Variants in SYT7 observed in about 807,000 individuals in gnomAD.
The protein encoded by SYT7 is synaptotagmin-7.
A neutral mutation model predicts 75.1 loss-of-function variants in SYT7; 29 were observed. The ratio of observed to expected loss-of-function variants is 0.39; its 90% CI spans 0.29 to 0.53. The LOEUF is 0.53. Among genes scored for constraint, SYT7 ranks in the 20% least tolerant of loss-of-function variants. SYT7 has a pLI of 0.77. For synonymous variants in SYT7, 376 were observed against 401.7 expected, an observed-to-expected ratio of 0.94 and a Z score of 0.76; for missense variants, 693 against 953.2, an observed-to-expected ratio of 0.73 and a Z score of 3.59.
In SYT7 at chr11:61,576,215, A is replaced by G. The variant is rs1417502536; in HGVS notation, c.31+4575T>C. Among the ~76,000 whole-genome samples the G allele has an allele frequency of 2.0e-5, 3 of 152,208 alleles. No homozygotes were observed. Among genetic ancestry groups the G allele is most frequent in the Non-Finnish European group, 4.4e-5 (3 of 68,030 alleles). Reference sequence around the variant, plus strand: ...GCCCTGCCCTGCAGACACTAGTTGGACAGGGCCCAGCAGGGCTGCCCCTGC... The same window carrying G: ...GCCCTGCCCTGCAGACACTAGTTGGGCAGGGCCCAGCAGGGCTGCCCCTGC... On this transcript the variant is annotated intron_variant, in intron 1 of 12. Transcript: ENST00000539008. The surrounding 1 kb of genome is among the most constrained non-coding windows in gnomAD (Gnocchi z 4.1).
chr11:61,530,706 T>C (rs1253268523), intron 8 of SYT7: 29 of 802,268 alleles, frequency 3.6e-5, no homozygotes, highest in Non-Finnish European at 4.1e-5. Flanking sequence ...CTCTGGTCCC[T>C]TGGCTCCTGG....
chr11:61,517,571 T>G lies in SYT7; in HGVS notation c.*1056A>C, dbSNP rs2062179705. 5 of 398,294 alleles carry G rather than the reference T, an allele frequency of 1.3e-5. No individual in the cohort carries two copies. The highest frequency in any genetic ancestry group is 2.2e-5 in the Non-Finnish European group (5 of 226,380). The allele number at this position is 398,294 out of a possible 1,614,324, so 24.7% of individuals were successfully genotyped here. A position where few individuals can be genotyped will look rare whatever the true frequency, so the allele number is the denominator to read the frequency against. ...GGAGGTCTGCACAGGCAGGGAGAGATGAGGAAGGGCAGGCAAGCTGGAAAG... is the reference window on the plus strand; with the variant it reads ...GGAGGTCTGCACAGGCAGGGAGAGAGGAGGAAGGGCAGGCAAGCTGGAAAG... On this transcript the variant is annotated 3_prime_UTR_variant, in exon 13 of 13. Coordinates refer to ENST00000539008, the MANE Select transcript of SYT7 (RefSeq NM_001365809.2).
At position 61,533,238 on chromosome 11, in the gene SYT7, C is replaced by G. The variant is rs777105965; in HGVS notation, c.1065-114G>C. ...AGACCCCAGCAGCTGCCATGCCCGGCGGGCCGGCAGGAGCGGTACTCCAGT... is the reference window on the plus strand; with the variant it reads ...AGACCCCAGCAGCTGCCATGCCCGGGGGGCCGGCAGGAGCGGTACTCCAGT... On this transcript the variant is annotated intron_variant, in intron 7 of 12. Coordinates refer to ENST00000539008, the MANE Select transcript of SYT7 (RefSeq NM_001365809.2). 5 of 1,459,904 alleles carry G rather than the reference C, an allele frequency of 3.4e-6. No individual in the cohort carries two copies. The Admixed American group carries it at 1.3e-4, about 37-fold the overall frequency. The allele number at this position is 1,459,904 out of a possible 1,614,324, so 90.4% of individuals were successfully genotyped here.
intron 7 of SYT7, among the ~76,000 whole-genome samples, chr11:61,536,354 GT>G (rs1198704278): frequency 6.6e-6 from 1 of 152,202 alleles, no homozygotes; most frequent in Non-Finnish European, 1.5e-5. Flanking sequence ...CATGGGTGAT[GT>G]GAAATCTCGT....
rs761877944 is a variant in SYT7 at position 61,524,486 on chromosome 11, G to T, written c.1518C>A (p.Val506=). 1 of 1,611,314 alleles carries T rather than the reference G, an allele frequency of 6.2e-7. No individual in the cohort carries two copies. The highest frequency in any genetic ancestry group is 8.5e-7 in the Non-Finnish European group (1 of 1,178,438). The change falls in exon 10 of 13, where the codon GTC becomes GTA. Residue 506 remains valine (V), a synonymous_variant. Coordinates refer to ENST00000539008, the MANE Select transcript of SYT7 (RefSeq NM_001365809.2). This position sits in a 1 kb window ranked among gnomAD's most constrained non-coding sequence, Gnocchi z 4.1. ...TGCGGCTGAAGCGGTCATAGTCCAG[G>T]ACTTGGAGGTAGAGGATCCTCTGCA... ...KVVQRILYLQ[V]LDYDRFSRND...
At position 61,550,947 on chromosome 11, in the gene SYT7, T is replaced by C. The variant is rs1459712020; in HGVS notation, c.215+437A>G. 4.6e-5 allele frequency among the ~76,000 whole-genome samples: 7 copies of C among 152,062 alleles called. No homozygotes were observed. The East Asian group carries it at 1.2e-3, about 25-fold the overall frequency. ...TGTCTGCCTCCCCACTTCCAGGTCA[T>C]CCTCAAACACTGGCAGGATCTGAGA... On this transcript the variant is annotated intron_variant, in intron 3 of 12. Coordinates refer to ENST00000539008, the MANE Select transcript of SYT7 (RefSeq NM_001365809.2).
intron 2 of SYT7, among the ~76,000 whole-genome samples, chr11:61,554,400 G>A (rs1305787170): frequency 1.3e-5 from 2 of 152,072 alleles, no homozygotes; most frequent in Non-Finnish European, 2.9e-5. Context: ...ATGAGTTGAT[G>A]CACATCCCAC....
At chr11:61,522,497 T>C (rs2062373842) in intron 12 of SYT7, among the ~76,000 whole-genome samples, 2 of 152,104 alleles carry the variant, frequency 1.3e-5, no homozygotes, top group Admixed American at 1.3e-4. Context: ...GCCAACTTTC[T>C]ACAAGAAGAA....
intron 3 of SYT7, among the ~76,000 whole-genome samples, chr11:61,550,904 G>C (rs1209431416): frequency 6.6e-6 from 1 of 152,200 alleles, no homozygotes; most frequent in Non-Finnish European, 1.5e-5. Flanking sequence ...TGCTCCCCGA[G>C]TGGCCCAGAC....
In SYT7 at chr11:61,524,556, T is replaced by A. The variant is rs2062452358; in HGVS notation, c.1472-24A>T. 1 of 1,550,666 alleles carries A rather than the reference T, an allele frequency of 6.4e-7. No homozygotes were observed. The highest frequency in any genetic ancestry group is 1.2e-5 in the South Asian group (1 of 80,484). On this transcript the variant is annotated intron_variant, in intron 9 of 12. Transcript: ENST00000539008. This position sits in a 1 kb window ranked among gnomAD's most constrained non-coding sequence, Gnocchi z 4.1. ...ACCTGGGGGTATAGATGAGTGTGAG[T>A]GAAGAGGGGGACAGAGGGGCTGCAC...
chr11:61,527,149 G>GAAAGGACATTT (rs1214149330), intron 9 of SYT7, among the ~76,000 whole-genome samples: 1 of 152,152 alleles, frequency 6.6e-6, no homozygotes, highest in Non-Finnish European at 1.5e-5. Flanking sequence ...GCAGGAGAGA[G>GAAAGGACATTT]AAAGGACATT....
At chr11:61,534,488 T>C (rs2062811740) in intron 7 of SYT7, among the ~76,000 whole-genome samples, 1 of 149,710 alleles carries the variant, frequency 6.7e-6, no homozygotes, top group South Asian at 2.1e-4. Flanking sequence ...CACATGCACA[T>C]GAGCCCCACA....
intron 8 of SYT7, among the ~76,000 whole-genome samples, chr11:61,530,418 T>C (rs932897530): frequency 1.3e-5 from 2 of 152,196 alleles, no homozygotes; most frequent in Non-Finnish European, 2.9e-5. Context: ...CGACGCTCTT[T>C]TCCCTGCTCA....
Position 61,524,412 on chromosome 11 carries a change from G to C in SYT7, c.1592C>G (p.Thr531Ser). 5 of 1,614,098 alleles carry C rather than the reference G, an allele frequency of 3.1e-6. No homozygotes were observed. The highest frequency in any genetic ancestry group is 4.2e-6 in the Non-Finnish European group (5 of 1,179,972). ...ATCCTTCCAGAAGGTCTGCATCTGG[G>C]TCAGGTCCACCTTGTTAAGGGGGAT... ...VSIPLNKVDL[T>S]QMQTFWKDLK... Residue 531 changes from threonine (T) to serine (S), a missense_variant, in exon 10 of 13, where the codon ACC becomes AGC. This residue lies in a region of SYT7 where 206 missense variants were observed against 360.0 expected (regional missense o/e 0.57). Transcript: ENST00000539008. This position sits in a 1 kb window ranked among gnomAD's most constrained non-coding sequence, Gnocchi z 4.1.
At chr11:61,535,346 G>A (rs556197580) in intron 7 of SYT7, among the ~76,000 whole-genome samples, 92 of 152,352 alleles carry the variant, frequency 6.0e-4, no homozygotes, top group African/African-American at 2.2e-3. Context: ...CTTCAGAGTA[G>A]GGAGAGCAAT....
At chr11:61,582,442 C>A (rs2064299757), upstream of SYT7, among the ~76,000 whole-genome samples, 1 of 151,986 alleles carries the variant, frequency 6.6e-6, no homozygotes, top group Non-Finnish European at 1.5e-5. Flanking sequence ...TATCTCAAGT[C>A]TCCCCGACAC....
At chr11:61,532,272 G>A (rs1371301898) in intron 8 of SYT7, among the ~76,000 whole-genome samples, 2 of 152,206 alleles carry the variant, frequency 1.3e-5, no homozygotes, top group African/African-American at 4.8e-5. Flanking sequence ...CTAATCCCCA[G>A]TTTTCTCCCT....
chr11:61,517,399 G>A lies in SYT7; in HGVS notation c.*1228C>T, dbSNP rs1318561972. 2 of 398,674 alleles carry A rather than the reference G, an allele frequency of 5.0e-6. No homozygotes were observed. Among genetic ancestry groups the A allele is most frequent in the Non-Finnish European group, 8.8e-6 (2 of 226,206 alleles). 24.7% of individuals were successfully genotyped at this position (398,674 alleles called of 1,614,324 possible). On this transcript the variant is annotated 3_prime_UTR_variant, in exon 13 of 13. Transcript: ENST00000539008. The stretch of plus-strand genomic sequence containing the variant: ...GTGAGTGAGTCGGGCAGAAGGAGCT[G>A]CTCCCGGGGACCAGGGAGTGGGGAA...
Position 61,523,229 on chromosome 11 carries a change from T to C in SYT7, c.1802A>G (p.Glu601Gly), listed in dbSNP as rs1590822415. 7 of 1,614,152 alleles carry C rather than the reference T, an allele frequency of 4.3e-6. No individual in the cohort carries two copies. Among genetic ancestry groups the C allele is most frequent in the East Asian group, 2.2e-5 (1 of 44,876 alleles). Residue 601 changes from glutamate to glycine, a missense_variant, in exon 12 of 13, where the codon GAG becomes GGG. This residue lies in a region of SYT7 where 206 missense variants were observed against 360.0 expected (regional missense o/e 0.57). Transcript: ENST00000539008. This position sits in a 1 kb window ranked among gnomAD's most constrained non-coding sequence, Gnocchi z 5.0. ...CTTCATCGTCACCGTCTTCTTCTTC[T>C]CCACCCGCTTGTCCTTGTACATCAG... is the stretch of plus-strand genomic sequence containing the variant. ...VWLMYKDKRVEKKKTVTMKRN... is the reference protein window; with the variant it reads ...VWLMYKDKRVGKKKTVTMKRN...
Sources: allele counts gnomAD v4.1 joint callset (sites outside exome capture counted in the v4.1 genomes callset), GRCh38; gene constraint gnomAD v4.1.1; regional missense constraint gnomAD v4.1.1; non-coding constraint Gnocchi (gnomAD v3.1); transcripts MANE v1.5; gene names NCBI Gene and HGNC (gene_info 2026-07-23, HGNC 2026-07-21).